Variants in DIP2B observed in about 807,000 individuals in gnomAD.
DIP2B encodes the protein disco-interacting protein 2 homolog B.
DIP2B carries 76 observed loss-of-function variants against 198.0 expected under a neutral mutation model. The ratio of observed to expected loss-of-function variants is 0.38; its 90% CI spans 0.32 to 0.46. The LOEUF is 0.46. Among genes scored for constraint, DIP2B ranks in the 20% least tolerant of loss-of-function variants. The pLI is 0.99. For synonymous variants in DIP2B, 701 were observed against 739.1 expected (o/e 0.95, Z 0.84); for missense variants, 1,559 against 1,978.4 (o/e 0.79, Z 4.02).
intron 1 of DIP2B, among the ~76,000 whole-genome samples, chr12:50,617,876 G>A (rs950637687): frequency 6.6e-6 from 1 of 152,166 alleles, no homozygotes; most frequent in African/African-American, 2.4e-5. Flanking sequence ...GAGCAGAATT[G>A]TTAATACATT....
At chr12:50,565,557 A>G (rs945377474) in intron 1 of DIP2B, among the ~76,000 whole-genome samples, 1 of 152,108 alleles carries the variant, frequency 6.6e-6, no homozygotes, top group Non-Finnish European at 1.5e-5. Flanking sequence ...ACTCTTATAT[A>G]TCATGTTCCC....
At chr12:50,542,060 A>G (rs1958330982) in intron 1 of DIP2B, among the ~76,000 whole-genome samples, 1 of 151,082 alleles carries the variant, frequency 6.6e-6, no homozygotes. Flanking sequence ...TGGGAGGCTG[A>G]GGTGGGCGGA....
chr12:50,686,434 A>G lies in DIP2B; in HGVS notation c.1442-139A>G, dbSNP rs1939131717. On this transcript the variant is annotated intron_variant, in intron 11 of 37. Coordinates refer to ENST00000301180, the MANE Select transcript of DIP2B (RefSeq NM_173602.3). ...ATAATTGTCTGGTGATTTGCCACTA[A>G]AAACTAATAAAAACTAAGTATTTTA... The G allele has an allele frequency of 9.6e-6, 7 of 731,828 alleles. No individual in the cohort carries two copies. In the Admixed American group the frequency reaches 1.2e-4, roughly 13 times the overall value. The allele number at this position is 731,828 out of a possible 1,614,324, so 45.3% of individuals were successfully genotyped here.
intron 23 of DIP2B, among the ~76,000 whole-genome samples, chr12:50,716,957 G>GTTTTTTTTTTTTTTTTTTT (rs1592140618): frequency 2.6e-4 from 2 of 7,798 alleles, no homozygotes; most frequent in Non-Finnish European, 9.0e-4. Flanking sequence ...ACGAATTGTT[G>GTTTTTTTTTTTTTTTTTTT]CTTTTTTTTT....
At position 50,719,112 on chromosome 12, in the gene DIP2B, C is replaced by T. The variant is rs964527329; in HGVS notation, c.3042+77C>T. ...TTAGGCACTCTTGATCTCTTTCTTT[C>T]ATCAGAAAATTTCTGTTGCCATCTC... On this transcript the variant is annotated intron_variant, in intron 25 of 37. Transcript: ENST00000301180. 2.1e-5 allele frequency: 31 copies of T among 1,478,962 alleles called. No homozygotes were observed. In the East Asian group the frequency reaches 6.1e-4, roughly 29 times the overall value. The allele number at this position is 1,478,962 out of a possible 1,614,324, so 91.6% of individuals were successfully genotyped here. A position where few individuals can be genotyped will look rare whatever the true frequency, so the allele number is the denominator to read the frequency against.
chr12:50,553,050 G>T (rs1958440884), intron 1 of DIP2B, among the ~76,000 whole-genome samples: 1 of 152,082 alleles, frequency 6.6e-6, no homozygotes, highest in Non-Finnish European at 1.5e-5. Context: ...TGGCCAGGCT[G>T]GTCTTGAACT....
At chr12:50,605,476 T>G (rs1316781291) in intron 1 of DIP2B, among the ~76,000 whole-genome samples, 2 of 151,994 alleles carry the variant, frequency 1.3e-5, no homozygotes, top group Non-Finnish European at 2.9e-5. Context: ...GCTGGGAGGA[T>G]CACTTGAGCC....
chr12:50,607,106 T>TAA (rs1565842860), intron 1 of DIP2B, among the ~76,000 whole-genome samples: 2 of 132,940 alleles, frequency 1.5e-5, no homozygotes, highest in African/African-American at 5.3e-5. Flanking sequence ...CATGCTTGGC[T>TAA]TCTTTTTTTT....
intron 1 of DIP2B, among the ~76,000 whole-genome samples, chr12:50,532,149 A>G (rs922761148): frequency 2.6e-5 from 4 of 152,178 alleles, no homozygotes; most frequent in Non-Finnish European, 5.9e-5. Context: ...AGAGGCAGAT[A>G]CTCATAGGTG....
intron 1 of DIP2B, 128 bp from the exon 2 acceptor site, chr12:50,625,848 A>C (rs1181025957): frequency 3.4e-6 from 3 of 893,488 alleles, no homozygotes; most frequent in African/African-American, 2.1e-5. Context: ...AGAACCATAC[A>C]TTCCCCCCCC....
At chr12:50,623,392 TACAC>T (rs55689070) in intron 1 of DIP2B, among the ~76,000 whole-genome samples, 1,034 of 94,236 alleles carry the variant, frequency 0.011, 9 homozygotes, top group East Asian at 0.047. Flanking sequence ...TATATGTATC[TACAC>T]ACACACACAC....
chr12:50,741,766 A>AT (rs1940249085), intron 37 of DIP2B, among the ~76,000 whole-genome samples: 1 of 152,188 alleles, frequency 6.6e-6, no homozygotes, highest in Non-Finnish European at 1.5e-5. Flanking sequence ...GAATACTCTG[A>AT]TACCTTCTGT....
rs1593692032 is a variant in DIP2B, at chr12:50,656,251, T to C, written c.302-3943T>C. On this transcript the variant is annotated intron_variant, in intron 3 of 37. Transcript: ENST00000301180. ...ATACCCCAATAGCACTGAGTACCCC[T>C]GCTTCTAAGATTTGGTTTCTAAATA... 2.6e-5 allele frequency among the ~76,000 whole-genome samples: 4 copies of C among 152,336 alleles called. No individual in the cohort carries two copies. The East Asian group carries it at 7.7e-4, about 29-fold the overall frequency.
intron 1 of DIP2B, among the ~76,000 whole-genome samples, chr12:50,544,128 T>C (rs898644508): frequency 2.0e-5 from 3 of 150,412 alleles, no homozygotes; most frequent in African/African-American, 7.4e-5. Flanking sequence ...CTCAGGAGGC[T>C]GAGGCAGGGG....
chr12:50,642,514 G>A (rs1938274239), intron 3 of DIP2B, among the ~76,000 whole-genome samples: 1 of 152,206 alleles, frequency 6.6e-6, no homozygotes, highest in Non-Finnish European at 1.5e-5. Flanking sequence ...AGGCCAGGGT[G>A]GTGGCTCACA....
intron 34 of DIP2B, among the ~76,000 whole-genome samples, chr12:50,735,359 T>C (rs1208384658): frequency 1.3e-5 from 2 of 152,168 alleles, no homozygotes; most frequent in Non-Finnish European, 2.9e-5. Flanking sequence ...CCAACTGACA[T>C]GTTATTCTTA....
At chr12:50,710,498 A>C (rs894777783) in intron 22 of DIP2B, among the ~76,000 whole-genome samples, 9 of 151,536 alleles carry the variant, frequency 5.9e-5, no homozygotes, top group African/African-American at 2.2e-4. Flanking sequence ...ATCTTGACTC[A>C]CTGCAACCTC....
At chr12:50,579,441 C>T (rs562873057) in intron 1 of DIP2B, among the ~76,000 whole-genome samples, 5 of 150,356 alleles carry the variant, frequency 3.3e-5, no homozygotes, top group African/African-American at 1.2e-4. Flanking sequence ...GGTGAAACCC[C>T]GTCTCTACAA....
chr12:50,692,808 G>GTCCGA, intron 13 of DIP2B, 141 bp from the exon 14 acceptor site: 1 of 695,530 alleles, frequency 1.4e-6, no homozygotes, highest in Non-Finnish European at 2.4e-6. Flanking sequence ...CTGCACTCCA[G>GTCCGA]CCTGGGTGAC....
Sources: allele counts gnomAD v4.1 joint callset (sites outside exome capture counted in the v4.1 genomes callset), GRCh38; gene constraint gnomAD v4.1.1; transcripts MANE v1.5; gene names NCBI Gene and HGNC (gene_info 2026-07-23, HGNC 2026-07-21).